Variants in GPC5 observed in about 807,000 individuals in gnomAD.
GPC5 encodes the protein glypican-5.
GPC5 carries 47 observed loss-of-function variants against 53.9 expected under a neutral mutation model. That is an observed-to-expected ratio of 0.87 (90% CI 0.69 to 1.11). The LOEUF (loss-of-function observed/expected upper bound fraction) is 1.11. GPC5 is among the 50% of genes most tolerant of loss of function. The pLI, the probability that GPC5 is intolerant of heterozygous loss-of-function variation, is 0.00. For synonymous variants in GPC5, 286 were observed against 263.3 expected, an observed-to-expected ratio of 1.09 and a Z score of -0.84; for missense variants, 748 against 713.1, an observed-to-expected ratio of 1.05 and a Z score of -0.56.
At chr13:92,789,746 C>G (rs1333923307) in intron 7 of GPC5, among the ~76,000 whole-genome samples, 1 of 152,152 alleles carries the variant, frequency 6.6e-6, no homozygotes, top group Non-Finnish European at 1.5e-5. Context: ...TTAGGGTTCT[C>G]TAGAGGCACA....
intron 6 of GPC5, among the ~76,000 whole-genome samples, chr13:91,997,130 A>C (rs867356617): frequency 3.9e-5 from 6 of 152,110 alleles, no homozygotes; most frequent in African/African-American, 1.4e-4. Context: ...TGGTTCATAG[A>C]GTTGAATTTT....
chr13:91,817,400 G>A (rs2038416516), intron 5 of GPC5, among the ~76,000 whole-genome samples: 1 of 152,268 alleles, frequency 6.6e-6, no homozygotes, highest in Admixed American at 6.5e-5. Flanking sequence ...TTTCAGAGAA[G>A]CTCATGGAAA....
intron 2 of GPC5, among the ~76,000 whole-genome samples, chr13:91,653,770 A>C (rs1215542681): frequency 5.3e-5 from 8 of 152,266 alleles, no homozygotes; most frequent in East Asian, 1.9e-4. Context: ...ATCACATCTT[A>C]TATTAGACTT....
At chr13:92,536,021 C>G (rs1415590441) in intron 7 of GPC5, among the ~76,000 whole-genome samples, 2 of 152,062 alleles carry the variant, frequency 1.3e-5, no homozygotes, top group Non-Finnish European at 2.9e-5. Flanking sequence ...ATATATTTTT[C>G]ATGTAACATT....
intron 7 of GPC5, among the ~76,000 whole-genome samples, chr13:92,293,594 G>A (rs2043013306): frequency 6.6e-6 from 1 of 152,020 alleles, no homozygotes; most frequent in Non-Finnish European, 1.5e-5. Flanking sequence ...GAGCTTTCTG[G>A]AGGAGTCTTT....
At chr13:92,308,826 T>A (rs1194250365) in intron 7 of GPC5, among the ~76,000 whole-genome samples, 1 of 152,136 alleles carries the variant, frequency 6.6e-6, no homozygotes, top group Non-Finnish European at 1.5e-5. Flanking sequence ...CTGGGTTTCT[T>A]CTTTCTTAGC....
At chr13:91,686,524 A>T (rs2139768976) in intron 2 of GPC5, among the ~76,000 whole-genome samples, 1 of 152,164 alleles carries the variant, frequency 6.6e-6, no homozygotes, top group Non-Finnish European at 1.5e-5. Flanking sequence ...TGCAAATACA[A>T]GGGAAAATTC....
intron 7 of GPC5, among the ~76,000 whole-genome samples, chr13:92,279,737 T>C (rs1247401116): frequency 1.3e-5 from 2 of 152,116 alleles, no homozygotes; most frequent in African/African-American, 2.4e-5. Flanking sequence ...TTTTCTTACA[T>C]TGAAATAAGC....
chr13:92,041,317 A>G (rs1468314200), intron 6 of GPC5, among the ~76,000 whole-genome samples: 2 of 152,204 alleles, frequency 1.3e-5, no homozygotes, highest in Non-Finnish European at 2.9e-5. Context: ...GAGGATAACA[A>G]TTAACCCTGA....
chr13:92,351,595 C>G (rs995959086), intron 7 of GPC5, among the ~76,000 whole-genome samples: 19 of 151,772 alleles, frequency 1.3e-4, no homozygotes, highest in Admixed American at 3.9e-4. Context: ...ACATACAAAA[C>G]AAAAAAGAAT....
chr13:92,411,232 T>C (rs1876029782), intron 7 of GPC5, among the ~76,000 whole-genome samples: 1 of 152,122 alleles, frequency 6.6e-6, no homozygotes. Context: ...ATCACGCCAC[T>C]GCACTCCAGC....
At chr13:92,382,228 G>T (rs2043754564) in intron 7 of GPC5, among the ~76,000 whole-genome samples, 1 of 151,904 alleles carries the variant, frequency 6.6e-6, no homozygotes, top group African/African-American at 2.4e-5. Context: ...AAGAGTGGGA[G>T]GGTGGCGAGG....
chr13:92,204,291 A>T (rs544953136), intron 7 of GPC5, among the ~76,000 whole-genome samples: 9 of 152,224 alleles, frequency 5.9e-5, no homozygotes, highest in Non-Finnish European at 1.3e-4. Flanking sequence ...ATGGCTTATG[A>T]GGTTTACCAT....
intron 7 of GPC5, among the ~76,000 whole-genome samples, chr13:92,605,752 G>A (rs1884234204): frequency 6.6e-6 from 1 of 151,680 alleles, no homozygotes; most frequent in African/African-American, 2.4e-5. Flanking sequence ...ACCGCGCCCG[G>A]CTAACGTATT....
intron 6 of GPC5, among the ~76,000 whole-genome samples, chr13:92,112,786 T>C (rs1252769878): frequency 2.0e-5 from 3 of 152,048 alleles, no homozygotes; most frequent in African/African-American, 4.8e-5. Context: ...CTGAGCATAG[T>C]ATAGGTTGAA....
At chr13:92,206,417 G>A (rs1274110927) in intron 7 of GPC5, among the ~76,000 whole-genome samples, 4 of 151,264 alleles carry the variant, frequency 2.6e-5, no homozygotes, top group African/African-American at 2.4e-5. Context: ...CACCCGCTTC[G>A]GCCTCCCAAA....
At position 92,206,061 on chromosome 13, in the gene GPC5, A is replaced by C. The variant is rs1329064630; in HGVS notation, c.1561+61072A>C. Among the ~76,000 whole-genome samples the C allele has an allele frequency of 8.5e-5, 12 of 141,156 alleles. No individual in the cohort carries two copies. In the East Asian group the frequency reaches 1.2e-3, roughly 14 times the overall value. The allele number at this position is 141,156 out of a possible 152,430, so 92.6% of individuals were successfully genotyped here. On this transcript the variant is annotated intron_variant, in intron 7 of 7. Transcript: ENST00000377067. Reference sequence around the variant, plus strand: ...CCATCTCAAAAAAAAAAAAAAAAAAAAACCCAACAACGATTCCATTCTGTA... The same window carrying C: ...CCATCTCAAAAAAAAAAAAAAAAAACAACCCAACAACGATTCCATTCTGTA...
At chr13:92,519,800 G>T (rs546035000) in intron 7 of GPC5, among the ~76,000 whole-genome samples, 25 of 152,146 alleles carry the variant, frequency 1.6e-4, no homozygotes, top group Admixed American at 1.3e-4. Context: ...GAAGGAGATA[G>T]AGACACAAAA....
At chr13:92,859,754 G>A (rs966030403) in intron 7 of GPC5, among the ~76,000 whole-genome samples, 1 of 151,986 alleles carries the variant, frequency 6.6e-6, no homozygotes, top group African/African-American at 2.4e-5. Flanking sequence ...AATTTCACAA[G>A]AATGATAAAA....
Sources: gnomAD v4.1 joint callset for allele counts (sites outside exome capture counted in the v4.1 genomes callset) on GRCh38, gnomAD v4.1.1 for gene constraint, MANE v1.5 for transcripts, NCBI Gene and HGNC (gene_info 2026-07-23, HGNC 2026-07-21) for gene names.